ADAMTS3: variants seen among roughly 807,000 people sequenced by gnomAD.
ADAMTS3 encodes ADAM metallopeptidase with thrombospondin type 1 motif 3.
A neutral mutation model predicts 129.0 loss-of-function variants in ADAMTS3; 73 were observed. The ratio of observed to expected loss-of-function variants is 0.57; its 90% CI spans 0.47 to 0.69. The LOEUF (loss-of-function observed/expected upper bound fraction) is 0.69, where lower values mean the gene tolerates loss of function less well. Ranked by LOEUF, ADAMTS3 falls within the 30% of genes least tolerant of loss-of-function variation. The pLI is 0.00. For synonymous variants in ADAMTS3, 477 were observed against 510.8 expected (o/e 0.93, Z 0.89); for missense variants, 1,457 against 1,514.5 (o/e 0.96, Z 0.63).
intron 21 of ADAMTS3, among the ~76,000 whole-genome samples, chr4:72,285,962 T>G (rs553690919): frequency 2.6e-5 from 4 of 152,230 alleles, no homozygotes; most frequent in Admixed American, 6.5e-5. Flanking sequence ...TTTGAGATTC[T>G]GATAGAAAGT....
chr4:72,500,269 C>A (rs1329396183), intron 3 of ADAMTS3, among the ~76,000 whole-genome samples: 2 of 152,110 alleles, frequency 1.3e-5, no homozygotes, highest in East Asian at 3.9e-4. Context: ...TTCTCTGCAG[C>A]CTTGACAGCA....
intron 4 of ADAMTS3, among the ~76,000 whole-genome samples, chr4:72,352,922 A>T (rs1720480794): frequency 6.6e-6 from 1 of 152,024 alleles, no homozygotes; most frequent in Non-Finnish European, 1.5e-5. Context: ...TTGAAGCAAG[A>T]TCATGAAGAA....
intron 4 of ADAMTS3, among the ~76,000 whole-genome samples, chr4:72,378,938 G>C (rs1405352256): frequency 6.6e-6 from 1 of 152,090 alleles, no homozygotes; most frequent in Non-Finnish European, 1.5e-5. Flanking sequence ...CTGTATGACA[G>C]GTCGCAGTTC....
chr4:72,367,129 T>C (rs1171063315), intron 4 of ADAMTS3, among the ~76,000 whole-genome samples: 1 of 152,222 alleles, frequency 6.6e-6, no homozygotes, highest in Non-Finnish European at 1.5e-5. Flanking sequence ...CTTGAAAACA[T>C]CTATTTCAGA....
intron 3 of ADAMTS3, among the ~76,000 whole-genome samples, chr4:72,515,963 G>A (rs1228405993): frequency 6.6e-6 from 1 of 152,132 alleles, no homozygotes; most frequent in Non-Finnish European, 1.5e-5. Flanking sequence ...GGTTTTTATG[G>A]TTTTAGGTCT....
At chr4:72,408,376 CACAT>C (rs1722102742) in intron 4 of ADAMTS3, among the ~76,000 whole-genome samples, 1 of 151,850 alleles carries the variant, frequency 6.6e-6, no homozygotes, top group African/African-American at 2.4e-5. Flanking sequence ...TGCACACACA[CACAT>C]ACACACACTC....
chr4:72,297,025 C>T (rs923175341), intron 18 of ADAMTS3, among the ~76,000 whole-genome samples: 1 of 152,020 alleles, frequency 6.6e-6, no homozygotes, highest in Non-Finnish European at 1.5e-5. Flanking sequence ...AGAAAGAATG[C>T]TACATAAAGT....
chr4:72,472,170 T>C (rs1719090490), intron 3 of ADAMTS3, among the ~76,000 whole-genome samples: 1 of 152,166 alleles, frequency 6.6e-6, no homozygotes, highest in African/African-American at 2.4e-5. Context: ...ATAACGTTTT[T>C]ATAAATATTC....
At chr4:72,443,943 A>G (rs1440133237) in intron 3 of ADAMTS3, among the ~76,000 whole-genome samples, 1 of 151,750 alleles carries the variant, frequency 6.6e-6, no homozygotes, top group East Asian at 2.0e-4. Context: ...TTCTCCCTGC[A>G]GACAAAGTCA....
chr4:72,309,602 TTCAG>T (rs1263990600), intron 14 of ADAMTS3, 82 bp from the exon 15 acceptor site: 1 of 1,521,058 alleles, frequency 6.6e-7, no homozygotes, highest in Non-Finnish European at 9.0e-7. Flanking sequence ...GAACCCTTTG[TTCAG>T]TCATGGCCCA....
At chr4:72,483,678 G>C (rs948523901) in intron 3 of ADAMTS3, among the ~76,000 whole-genome samples, 2 of 152,134 alleles carry the variant, frequency 1.3e-5, no homozygotes, top group African/African-American at 4.8e-5. Flanking sequence ...ATAATTGTTT[G>C]GATAAAAGTA....
chr4:72,407,325 A>G (rs1475815875), intron 4 of ADAMTS3, among the ~76,000 whole-genome samples: 1 of 152,168 alleles, frequency 6.6e-6, no homozygotes, highest in Non-Finnish European at 1.5e-5. Flanking sequence ...CTTTAGGGAC[A>G]CTGTATTAAT....
chr4:72,481,280 A>G (rs1719428680), intron 3 of ADAMTS3, among the ~76,000 whole-genome samples: 1 of 152,204 alleles, frequency 6.6e-6, no homozygotes, highest in African/African-American at 2.4e-5. Context: ...AGGAATAATC[A>G]GTATACCTAA....
intron 3 of ADAMTS3, among the ~76,000 whole-genome samples, chr4:72,486,010 T>C (rs751534956): frequency 2.0e-5 from 3 of 152,200 alleles, no homozygotes; most frequent in Admixed American, 1.3e-4. Context: ...TTGTGAGCAA[T>C]AAATTTCTGT....
At chr4:72,392,351 T>G (rs188796401) in intron 4 of ADAMTS3, among the ~76,000 whole-genome samples, 142 of 152,316 alleles carry the variant, frequency 9.3e-4, no homozygotes, top group Non-Finnish European at 1.6e-3. Context: ...TATATTTCTA[T>G]ATCTATTTTC....
intron 13 of ADAMTS3, chr4:72,311,980 A>C (rs1441120098): frequency 3.6e-6 from 1 of 278,250 alleles, no homozygotes; most frequent in African/African-American, 2.1e-5. Context: ...AATATTCCAG[A>C]AGTATTTCCT....
intron 3 of ADAMTS3, among the ~76,000 whole-genome samples, chr4:72,479,866 C>T (rs2110004231): frequency 6.6e-6 from 1 of 152,276 alleles, no homozygotes; most frequent in African/African-American, 2.4e-5. Flanking sequence ...CAAACAACCC[C>T]ATCAAAGAGT....
At chr4:72,333,847 G>GTTTTTTT (rs1560476575) in intron 5 of ADAMTS3, among the ~76,000 whole-genome samples, 1 of 32,914 alleles carries the variant, frequency 3.0e-5, no homozygotes, top group African/African-American at 1.0e-4. Context: ...TTGTTTGCTT[G>GTTTTTTT]CTTTTTTTTT....
intron 3 of ADAMTS3, among the ~76,000 whole-genome samples, chr4:72,477,746 T>A (rs182742311): frequency 2.3e-4 from 35 of 151,892 alleles, no homozygotes; most frequent in Non-Finnish European, 4.4e-4. Context: ...AATCAATGAA[T>A]CCAGGAGCTG....
Sources: gnomAD v4.1 joint callset for allele counts (sites outside exome capture counted in the v4.1 genomes callset) on GRCh38, gnomAD v4.1.1 for gene constraint, MANE v1.5 for transcripts, NCBI Gene and HGNC (gene_info 2026-07-23, HGNC 2026-07-21) for gene names.